The following ARHGAP21 variants were observed in gnomAD, a reference collection of about 807,000 sequenced individuals.
The protein encoded by ARHGAP21 is Rho GTPase activating protein 21, also known as rho GTPase-activating protein 21.
A neutral mutation model predicts 164.6 loss-of-function variants in ARHGAP21; 38 were observed. The observed-to-expected ratio is 0.23, with a 90% CI of 0.18 to 0.30. The LOEUF is 0.30. Among genes scored for constraint, ARHGAP21 ranks in the 10% least tolerant of loss-of-function variants. ARHGAP21 has a pLI of 1.00. For synonymous variants in ARHGAP21, 766 were observed against 857.9 expected, an observed-to-expected ratio of 0.89 and a Z score of 1.87; for missense variants, 1,822 against 2,370.7, an observed-to-expected ratio of 0.77 and a Z score of 4.81.
intron 4 of ARHGAP21, among the ~76,000 whole-genome samples, chr10:24,665,164 TCTAA>T (rs1840070189): frequency 6.6e-6 from 1 of 152,142 alleles, no homozygotes; most frequent in Admixed American, 6.6e-5. Flanking sequence ...AAGGCTTATT[TCTAA>T]CCCATGCCAA....
intron 7 of ARHGAP21, chr10:24,629,717 A>G: frequency 2.4e-6 from 1 of 423,864 alleles, no homozygotes; most frequent in Non-Finnish European, 4.5e-6. Flanking sequence ...ATGAACTAGA[A>G]GGCAACACTA....
At chr10:24,600,976 T>A (rs1564982563) in intron 13 of ARHGAP21, 46 bp from the exon 14 acceptor site, 1 of 1,579,008 alleles carries the variant, frequency 6.3e-7, no homozygotes, top group African/African-American at 1.3e-5. Flanking sequence ...TTTGGCTAAA[T>A]CTTTGTGACA....
Position 24,589,299 on chromosome 10 carries a change from G to T in ARHGAP21, c.4154C>A (p.Ser1385Ter). 1 of 1,607,886 alleles carries T rather than the reference G, an allele frequency of 6.2e-7. No homozygotes were observed. Among genetic ancestry groups the T allele is most frequent in the South Asian group, 1.1e-5 (1 of 90,224 alleles). Residue 1385 changes from serine to a stop codon, truncating the protein, a stop_gained, in exon 25 of 26, where the codon TCA becomes TAA. Coordinates refer to ENST00000396432, the MANE Select transcript of ARHGAP21 (RefSeq NM_020824.4). LOFTEE classifies it low-confidence loss of function (END_TRUNC). The part of the protein sequence containing the change: ...TGVSPGDVSD[S>*]ATSDSTKSKG... Reference sequence around the variant, plus strand: ...AGATTTTGTTGAGTCACTAGTAGCTGAATCTGTGAAAAATTAAATAAAACA... The same window carrying T: ...AGATTTTGTTGAGTCACTAGTAGCTTAATCTGTGAAAAATTAAATAAAACA...
chr10:24,656,497 G>T (rs1181020864), intron 4 of ARHGAP21, among the ~76,000 whole-genome samples: 1 of 65,362 alleles, frequency 1.5e-5, no homozygotes, highest in Non-Finnish European at 3.1e-5. Context: ...CCGGCCAGCC[G>T]CCCCGTCCGG....
At position 24,637,972 on chromosome 10, in the gene ARHGAP21, C is replaced by T. The variant is rs543512510; in HGVS notation, c.269-2869G>A. The stretch of plus-strand genomic sequence containing the variant: ...CTCTGCCTCCCAGGTTCAAGCGATT[C>T]TCCTGCCTCAGCCTCCCGAGTAGCT... On this transcript the variant is annotated intron_variant, in intron 4 of 25. Transcript: ENST00000396432. Among the ~76,000 whole-genome samples the T allele has an allele frequency of 5.6e-3, 842 of 151,588 alleles. 3 individuals carry two copies. Among genetic ancestry groups the T allele is most frequent in the Admixed American group, 8.7e-3 (133 of 15,206 alleles).
chr10:24,613,781 G>C (rs1302876416), intron 9 of ARHGAP21, among the ~76,000 whole-genome samples: 1 of 152,198 alleles, frequency 6.6e-6, no homozygotes, highest in Admixed American at 6.5e-5. Flanking sequence ...ATCATGGTCA[G>C]CTCATCTACA....
intron 4 of ARHGAP21, among the ~76,000 whole-genome samples, chr10:24,660,612 ATCAC>A (rs1421273296): frequency 1.3e-5 from 2 of 152,156 alleles, no homozygotes; most frequent in African/African-American, 2.4e-5. Flanking sequence ...ACTGCTGAAT[ATCAC>A]TCCAACACTG....
intron 2 of ARHGAP21, among the ~76,000 whole-genome samples, chr10:24,716,391 G>C (rs1358473139): frequency 1.3e-5 from 2 of 152,230 alleles, no homozygotes; most frequent in Non-Finnish European, 2.9e-5. Flanking sequence ...CTAAGCAAAA[G>C]CCCGAAGGAG....
intron 2 of ARHGAP21, among the ~76,000 whole-genome samples, chr10:24,707,128 CTT>C (rs1844317050): frequency 6.6e-6 from 1 of 152,194 alleles, no homozygotes; most frequent in South Asian, 2.1e-4. Flanking sequence ...GTTCCAGTCT[CTT>C]TGTTCTCTTA....
At chr10:24,608,267 C>T (rs571385372) in intron 9 of ARHGAP21, among the ~76,000 whole-genome samples, 4 of 152,160 alleles carry the variant, frequency 2.6e-5, no homozygotes, top group African/African-American at 9.6e-5. Flanking sequence ...TTAAATGTAC[C>T]ACAGATTATC....
intron 2 of ARHGAP21, among the ~76,000 whole-genome samples, chr10:24,697,300 G>C: frequency 6.6e-6 from 1 of 152,086 alleles, no homozygotes; most frequent in East Asian, 1.9e-4. Context: ...TGAGGGGTAT[G>C]AGGACAATAT....
chr10:24,599,531 A>G (rs2130880535), intron 14 of ARHGAP21, among the ~76,000 whole-genome samples: 1 of 152,326 alleles, frequency 6.6e-6, no homozygotes, highest in East Asian at 1.9e-4. Flanking sequence ...GAAATGACTA[A>G]ATTAGAACAT....
At position 24,594,957 on chromosome 10, in the gene ARHGAP21, T is replaced by C; in HGVS notation, c.3869A>G (p.Lys1290Arg). Reference protein sequence around the residue: ...HLKTVAENSEKNKMEPRNLAI... With the variant: ...HLKTVAENSERNKMEPRNLAI... ...AATAAGCATTTTACATACCTTATTT[T>C]TTTCTGAATTTTCTGCCACTGTCTT... The change falls in exon 21 of 26, where the codon AAA (lysine) becomes AGA (arginine). Residue 1290 changes from lysine to arginine, a missense_variant. Transcript: ENST00000396432. 6.2e-7 allele frequency: 1 copy of C among 1,607,836 alleles called. No individual in the cohort carries two copies. Among genetic ancestry groups the C allele is most frequent in the Admixed American group, 1.7e-5 (1 of 59,860 alleles).
chr10:24,662,355 T>TA (rs1250436376), intron 4 of ARHGAP21, among the ~76,000 whole-genome samples: 1 of 152,302 alleles, frequency 6.6e-6, no homozygotes, highest in East Asian at 1.9e-4. Context: ...ACCTAAGAGT[T>TA]AGACACAACT....
In ARHGAP21 at chr10:24,619,761, T is replaced by G; in HGVS notation, c.2134A>C (p.Arg712=). The G allele has an allele frequency of 6.2e-7, 1 of 1,614,162 alleles. No individual in the cohort carries two copies. Residue 712 remains arginine, a synonymous_variant, in exon 9 of 26, where the codon AGG becomes CGG. Coordinates refer to ENST00000396432, the MANE Select transcript of ARHGAP21 (RefSeq NM_020824.4). ...TCTTGTAAACTTAAATCTTGATTCC[T>G]TTGACTGACAGGTAGTTCTAAATCT... ...TSDLELPVSQ[R]NQDLSLQEAE... is the part of the protein sequence containing the mutation.
At chr10:24,614,025 A>G (rs2077373542) in intron 9 of ARHGAP21, among the ~76,000 whole-genome samples, 1 of 152,236 alleles carries the variant, frequency 6.6e-6, no homozygotes, top group Admixed American at 6.5e-5. Flanking sequence ...GCCAGCTGAC[A>G]TGCTGTAACA....
rs1314282960 is a variant in ARHGAP21, at chr10:24,683,167, T to TA, written c.64-12771dup. On this transcript the variant is annotated intron_variant, in intron 2 of 25. Coordinates refer to ENST00000396432, the MANE Select transcript of ARHGAP21 (RefSeq NM_020824.4). ...TCTCACAACATGAACTTGAACAATCTAAGTGACTTTAGTTGATAATACTTC... is the reference window on the plus strand; with the variant it reads ...TCTCACAACATGAACTTGAACAATCTAAAGTGACTTTAGTTGATAATACTTC... 3.3e-5 allele frequency among the ~76,000 whole-genome samples: 5 copies of TA among 151,792 alleles called. No homozygotes were observed. In the East Asian group the frequency reaches 9.7e-4, roughly 29 times the overall value.
chr10:24,655,889 G>A (rs1450096294), intron 4 of ARHGAP21, among the ~76,000 whole-genome samples: 34 of 127,120 alleles, frequency 2.7e-4, no homozygotes, highest in African/African-American at 8.5e-4. Flanking sequence ...TGTGAGGAGC[G>A]CCTCTGCCCG....
chr10:24,713,862 T>C (rs1456718781), intron 2 of ARHGAP21, among the ~76,000 whole-genome samples: 3 of 152,192 alleles, frequency 2.0e-5, no homozygotes, highest in South Asian at 4.1e-4. Flanking sequence ...CCAGATTAGA[T>C]TGTGAAATAA....
Sources: gnomAD v4.1 joint callset for allele counts (sites outside exome capture counted in the v4.1 genomes callset) on GRCh38, gnomAD v4.1.1 for gene constraint, MANE v1.5 for transcripts, NCBI Gene and HGNC (gene_info 2026-07-23, HGNC 2026-07-21) for gene names.